Variants in FHIT observed in about 807,000 individuals in gnomAD.
FHIT encodes fragile histidine triad diadenosine triphosphatase.
In FHIT, 19 loss-of-function variants were observed where a neutral mutation model predicts 17.9. The observed-to-expected ratio is 1.06, with a 90% CI of 0.74 to 1.56. FHIT has a LOEUF of 1.56. Ranked by LOEUF, FHIT falls within the 40% of genes most tolerant of loss-of-function variation. FHIT has a pLI of 0.00. For missense variants in FHIT, 248 were observed against 189.2 expected (o/e 1.31, Z -1.82); for synonymous variants, 81 against 69.7 (o/e 1.16, Z -0.81).
intron 3 of FHIT, among the ~76,000 whole-genome samples, chr3:60,987,192 G>T (rs913384372): frequency 1.3e-5 from 2 of 152,194 alleles, no homozygotes; most frequent in East Asian, 3.9e-4. Context: ...AAAATCCTAA[G>T]CAAGAGCATA....
intron 2 of FHIT, among the ~76,000 whole-genome samples, chr3:61,049,342 T>C (rs552202897): frequency 9.9e-5 from 15 of 151,892 alleles, no homozygotes; most frequent in South Asian, 8.3e-4. Context: ...AGTAACCAAA[T>C]GGTTGATAAG....
rs992251263 is a variant in FHIT at position 60,672,352 on chromosome 3, A to G, written c.-17-135373T>C. On this transcript the variant is annotated intron_variant, in intron 4 of 9. Transcript: ENST00000492590. ...GCCATTTTATAGGATTTGGGTAGGT[A>G]AAGGAAAATTACAGTCAAAGGGGGT... 9.3e-5 allele frequency among the ~76,000 whole-genome samples: 14 copies of G among 150,858 alleles called. No homozygotes were observed. In the East Asian group the frequency reaches 2.5e-3, roughly 27 times the overall value.
chr3:60,031,542 C>G (rs1302551516), intron 5 of FHIT, among the ~76,000 whole-genome samples: 1 of 152,170 alleles, frequency 6.6e-6, no homozygotes, highest in African/African-American at 2.4e-5. Context: ...CAAATAAACT[C>G]TTATCAGTAA....
intron 4 of FHIT, among the ~76,000 whole-genome samples, chr3:60,736,526 G>A (rs13326569): frequency 0.026 from 3,902 of 152,262 alleles, 193 homozygotes; most frequent in African/African-American, 0.088. Context: ...TATGCTATGT[G>A]AGAAAAGCTA....
At chr3:59,979,358 C>G (rs17061650) in intron 7 of FHIT, among the ~76,000 whole-genome samples, 2,557 of 152,190 alleles carry the variant, frequency 0.017, 85 homozygotes, top group African/African-American at 0.059. Context: ...GCCCTCATTG[C>G]TTTCTTATCA....
intron 7 of FHIT, among the ~76,000 whole-genome samples, chr3:59,986,540 T>TATACACACACACAC (rs1473518719): frequency 1.0e-3 from 13 of 12,426 alleles, no homozygotes; most frequent in South Asian, 3.4e-3. Flanking sequence ...TATATATATA[T>TATACACACACACAC]ACACACACAC....
intron 5 of FHIT, among the ~76,000 whole-genome samples, chr3:60,047,941 G>A (rs1701717641): frequency 6.6e-6 from 1 of 152,164 alleles, no homozygotes; most frequent in Non-Finnish European, 1.5e-5. Flanking sequence ...CGTGAGTTGG[G>A]TGGCTTAAAC....
At chr3:59,912,518 G>C (rs938090133) in intron 8 of FHIT, among the ~76,000 whole-genome samples, 3 of 152,010 alleles carry the variant, frequency 2.0e-5, no homozygotes, top group Non-Finnish European at 4.4e-5. Flanking sequence ...CTTACTAAGA[G>C]AAACAATTTT....
At chr3:61,033,660 A>G (rs2033112181) in intron 3 of FHIT, among the ~76,000 whole-genome samples, 1 of 152,150 alleles carries the variant, frequency 6.6e-6, no homozygotes, top group African/African-American at 2.4e-5. Flanking sequence ...ATGTATACAG[A>G]CCCTGGAGAC....
At chr3:61,170,771 C>A (rs957041190) in intron 2 of FHIT, among the ~76,000 whole-genome samples, 6 of 152,128 alleles carry the variant, frequency 3.9e-5, no homozygotes, top group African/African-American at 1.4e-4. Context: ...CCCAGTCTAT[C>A]ATTGATAGGC....
At chr3:60,753,835 C>G (rs781813585) in intron 4 of FHIT, among the ~76,000 whole-genome samples, 1 of 152,116 alleles carries the variant, frequency 6.6e-6, no homozygotes, top group Non-Finnish European at 1.5e-5. Context: ...ATTTTCTATC[C>G]TTAACTCTTC....
At chr3:60,414,841 C>A (rs1260969408) in intron 5 of FHIT, among the ~76,000 whole-genome samples, 1 of 152,122 alleles carries the variant, frequency 6.6e-6, no homozygotes. Context: ...TACCCTTGAC[C>A]TCATCTGGTT....
At chr3:60,325,937 G>A (rs1415063398) in intron 5 of FHIT, among the ~76,000 whole-genome samples, 1 of 152,162 alleles carries the variant, frequency 6.6e-6, no homozygotes, top group African/African-American at 2.4e-5. Context: ...TGATGGCAGG[G>A]ATCTACTTAA....
intron 3 of FHIT, among the ~76,000 whole-genome samples, chr3:61,001,527 T>C (rs914070567): frequency 1.3e-5 from 2 of 152,228 alleles, no homozygotes; most frequent in East Asian, 1.9e-4. Flanking sequence ...AAGGAAATTA[T>C]GCTAAGTAAA....
At chr3:60,618,457 C>T (rs184507731) in intron 4 of FHIT, among the ~76,000 whole-genome samples, 2 of 152,158 alleles carry the variant, frequency 1.3e-5, no homozygotes, top group African/African-American at 4.8e-5. Context: ...CCAACAGGCC[C>T]CAGTGTGTGT....
chr3:59,796,716 T>C (rs928074592), intron 8 of FHIT, among the ~76,000 whole-genome samples: 2 of 152,110 alleles, frequency 1.3e-5, no homozygotes, highest in Admixed American at 1.3e-4. Flanking sequence ...TGGGTTTTTC[T>C]GGGTTTTTCT....
intron 3 of FHIT, among the ~76,000 whole-genome samples, chr3:61,008,533 T>C (rs1403891883): frequency 6.6e-6 from 1 of 151,524 alleles, no homozygotes; most frequent in Non-Finnish European, 1.5e-5. Flanking sequence ...CTTTGAAGCC[T>C]CCCTGATAGA....
In FHIT at chr3:60,469,244, T is replaced by TTC. The variant is rs147209498; in HGVS notation, c.103+67614_103+67615dup. Among the ~76,000 whole-genome samples, 24 of 150,988 alleles carry TTC rather than the reference T, an allele frequency of 1.6e-4. 1 individual carries two copies. Among genetic ancestry groups the TTC allele is most frequent in the Admixed American group, 8.6e-4 (13 of 15,154 alleles). ...TTCTGTTATCCCTTTGAATTAACTT[T>TTC]TCTCTCTCTCTCTCTGCCTCCTCTT... On this transcript the variant is annotated intron_variant, in intron 5 of 9. Coordinates refer to ENST00000492590, the MANE Select transcript of FHIT (RefSeq NM_002012.4).
At chr3:60,895,562 T>C (rs1705747664) in intron 3 of FHIT, among the ~76,000 whole-genome samples, 1 of 152,194 alleles carries the variant, frequency 6.6e-6, no homozygotes, top group African/African-American at 2.4e-5. Context: ...AAAAGTGATT[T>C]TTCTAACTCT....
Sources: gnomAD v4.1 joint callset for allele counts (sites outside exome capture counted in the v4.1 genomes callset) on GRCh38, gnomAD v4.1.1 for gene constraint, MANE v1.5 for transcripts, NCBI Gene and HGNC (gene_info 2026-07-23, HGNC 2026-07-21) for gene names.